Variants in LYPD6B observed in about 807,000 individuals in gnomAD.
The protein encoded by LYPD6B is LY6/PLAUR domain containing 6B, also known as ly6/PLAUR domain-containing protein 6B.
A neutral mutation model predicts 22.8 loss-of-function variants in LYPD6B; 17 were observed. That is an observed-to-expected ratio of 0.75 (90% CI 0.51 to 1.12). The LOEUF is 1.12. LYPD6B is among the 50% of genes most tolerant of loss of function. The probability of loss-of-function intolerance (pLI) is 0.00; values close to 1 mark genes in which losing one functional copy is unlikely to be tolerated. For missense variants in LYPD6B, 221 were observed against 258.3 expected (o/e 0.86, Z 0.99); for synonymous variants, 106 against 91.6 (o/e 1.16, Z -0.90).
chr2:149,205,407 AAGT>A lies in LYPD6B; in HGVS notation c.229+7_229+9del, dbSNP rs776089244. ...TAATGTGAGGCCTCCTCTCGACCGT[AAGT>A]AGTGGTGGTTGCCATCCTAGTTCAT... is the stretch of plus-strand genomic sequence containing the variant. On this transcript the variant is annotated splice_donor_5th_base_variant and intron_variant, in intron 4 of 6. Transcript: ENST00000409642. The A allele has an allele frequency of 8.1e-6, 13 of 1,613,282 alleles. No individual in the cohort carries two copies. Among genetic ancestry groups the A allele is most frequent in the Non-Finnish European group, 1.1e-5 (13 of 1,179,624 alleles).
In LYPD6B at chr2:149,043,036, A is replaced by G. The variant is rs552275635; in HGVS notation, c.-67+4235A>G. 1.2e-4 allele frequency among the ~76,000 whole-genome samples: 18 copies of G among 152,342 alleles called. 1 individual carries two copies. In the South Asian group the frequency reaches 3.7e-3, roughly 32 times the overall value. On this transcript the variant is annotated intron_variant, in intron 1 of 6. Transcript: ENST00000409642. ...GAGAAATAAATGTAGAAACATGAGC[A>G]AAGGGAAAATAAGGGTCATTTCTTT...
rs549641177 is a variant in LYPD6B, at chr2:149,053,591, C to T, written c.-67+14790C>T. Reference sequence around the variant, plus strand: ...TATTATTTAATTGAGATATAATACACGTACCATAAAATGTACCTCTTTAAA... The same window carrying T: ...TATTATTTAATTGAGATATAATACATGTACCATAAAATGTACCTCTTTAAA... On this transcript the variant is annotated intron_variant, in intron 1 of 6. Coordinates refer to ENST00000409642, the MANE Select transcript of LYPD6B (RefSeq NM_177964.5). 9.2e-5 allele frequency among the ~76,000 whole-genome samples: 14 copies of T among 152,240 alleles called. No homozygotes were observed. In the South Asian group the frequency reaches 1.9e-3, roughly 20 times the overall value.
intron 1 of LYPD6B, among the ~76,000 whole-genome samples, chr2:149,057,857 T>C (rs555616179): frequency 5.3e-5 from 8 of 152,158 alleles, no homozygotes; most frequent in Non-Finnish European, 8.8e-5. Flanking sequence ...TTGGTGGTCA[T>C]AGCAGAGCTT....
rs571500348 is a variant in LYPD6B at position 149,177,862 on chromosome 2, G to C, written c.77+17027G>C. Among the ~76,000 whole-genome samples, 180 of 106,344 alleles carry C rather than the reference G, an allele frequency of 1.7e-3. 1 individual carries two copies. The highest frequency in any genetic ancestry group is 6.1e-3 in the African/African-American group (174 of 28,546). The allele number at this position is 106,344 out of a possible 152,430, so 69.8% of individuals were successfully genotyped here. On this transcript the variant is annotated intron_variant, in intron 3 of 6. Transcript: ENST00000409642. ...TTTTTTTTTTTTTTTTTGTACTATTGAAAGTGAATAGAACTGGAAGTAAGG... is the reference window on the plus strand; with the variant it reads ...TTTTTTTTTTTTTTTTTGTACTATTCAAAGTGAATAGAACTGGAAGTAAGG...
chr2:149,074,268 GCACA>G (rs60123351), intron 1 of LYPD6B, among the ~76,000 whole-genome samples: 55,471 of 150,412 alleles, frequency 0.37, 10,297 homozygotes, highest in South Asian at 0.44. Context: ...ACGCATGCAT[GCACA>G]CACACACACA....
chr2:149,071,441 A>G (rs569207210), intron 1 of LYPD6B, among the ~76,000 whole-genome samples: 6 of 152,310 alleles, frequency 3.9e-5, no homozygotes, highest in African/African-American at 1.2e-4. Flanking sequence ...AATACTTTGT[A>G]TCAATCGGTT....
intron 1 of LYPD6B, among the ~76,000 whole-genome samples, chr2:149,060,492 G>A (rs1684026958): frequency 6.6e-6 from 1 of 152,160 alleles, no homozygotes; most frequent in Non-Finnish European, 1.5e-5. Context: ...GTTAACTGGT[G>A]TAATAATACC....
At chr2:149,040,259 T>C (rs1683017275) in intron 1 of LYPD6B, among the ~76,000 whole-genome samples, 1 of 150,676 alleles carries the variant, frequency 6.6e-6, no homozygotes. Context: ...TCTCACTCTG[T>C]CACCCAGGCT....
intron 1 of LYPD6B, among the ~76,000 whole-genome samples, chr2:149,045,297 A>T (rs1390614620): frequency 6.6e-6 from 1 of 151,968 alleles, no homozygotes; most frequent in Non-Finnish European, 1.5e-5. Flanking sequence ...TTATTAACTT[A>T]TGTCTTCAGT....
chr2:149,079,019 T>TA (rs397974067), intron 1 of LYPD6B, among the ~76,000 whole-genome samples: 1 of 149,786 alleles, frequency 6.7e-6, no homozygotes, highest in African/African-American at 2.5e-5. Flanking sequence ...TTTTTTTTTT[T>TA]AAATGCTTAT....
chr2:149,179,289 G>T (rs1033165041), intron 3 of LYPD6B, among the ~76,000 whole-genome samples: 1 of 152,164 alleles, frequency 6.6e-6, no homozygotes, highest in Non-Finnish European at 1.5e-5. Flanking sequence ...TTTCAGAGAC[G>T]GCACACACAG....
chr2:149,113,623 T>A (rs957625341), intron 1 of LYPD6B, among the ~76,000 whole-genome samples: 1 of 152,200 alleles, frequency 6.6e-6, no homozygotes, highest in Non-Finnish European at 1.5e-5. Flanking sequence ...CATGTGTATA[T>A]GCTGTTCCAT....
At chr2:149,130,780 T>G (rs1319136790) in intron 1 of LYPD6B, 103 bp from the exon 2 acceptor site, 1 of 605,168 alleles carries the variant, frequency 1.7e-6, no homozygotes, top group African/African-American at 1.9e-5. Flanking sequence ...GATCTCTTTA[T>G]GATGTGTCCC....
chr2:149,178,751 C>A (rs1691501354), intron 3 of LYPD6B, among the ~76,000 whole-genome samples: 1 of 152,152 alleles, frequency 6.6e-6, no homozygotes, highest in African/African-American at 2.4e-5. Flanking sequence ...ATATTCTTCT[C>A]TTTCTCAACA....
rs575051212 is a variant in LYPD6B at position 149,052,142 on chromosome 2, C to T, written c.-67+13341C>T. ...CACAGTGTTGGCTCACTGCAACCTC[C>T]GCCTCCTGGGTTCAAGTGATTCTTC... On this transcript the variant is annotated intron_variant, in intron 1 of 6. Transcript: ENST00000409642. Among the ~76,000 whole-genome samples the T allele has an allele frequency of 7.9e-5, 12 of 152,060 alleles. No individual in the cohort carries two copies. The East Asian group carries it at 1.5e-3, about 20-fold the overall frequency.
intron 3 of LYPD6B, among the ~76,000 whole-genome samples, chr2:149,174,953 TA>T (rs200896155): frequency 0.014 from 2,158 of 149,736 alleles, 56 homozygotes; most frequent in African/African-American, 0.049. Flanking sequence ...GAGTTGGAAA[TA>T]AAAAAAAATT....
intron 2 of LYPD6B, among the ~76,000 whole-genome samples, chr2:149,158,250 T>C (rs1689830244): frequency 6.6e-6 from 1 of 152,198 alleles, no homozygotes; most frequent in African/African-American, 2.4e-5. Context: ...AAGTACTCTA[T>C]AATTACTCGG....
chr2:149,206,488 T>C (rs1287312725), intron 4 of LYPD6B, among the ~76,000 whole-genome samples: 1 of 152,150 alleles, frequency 6.6e-6, no homozygotes, highest in African/African-American at 2.4e-5. Context: ...AATAATTGTA[T>C]ACTGATAGCT....
intron 2 of LYPD6B, among the ~76,000 whole-genome samples, chr2:149,158,837 T>A (rs948518391): frequency 1.3e-5 from 2 of 152,232 alleles, no homozygotes; most frequent in African/African-American, 2.4e-5. Flanking sequence ...AGGGCAGTTT[T>A]TCTATGGATT....
Sources: gnomAD v4.1 joint callset for allele counts (sites outside exome capture counted in the v4.1 genomes callset) on GRCh38, gnomAD v4.1.1 for gene constraint, MANE v1.5 for transcripts, NCBI Gene and HGNC (gene_info 2026-07-23, HGNC 2026-07-21) for gene names.